Variants in ESR1 observed in about 807,000 individuals in gnomAD.
ESR1 encodes estrogen receptor 1.
A neutral mutation model predicts 52.7 loss-of-function variants in ESR1; 12 were observed. The observed-to-expected ratio is 0.23, with a 90% confidence interval of 0.15 to 0.37. ESR1 has a LOEUF of 0.37. Among genes scored for constraint, ESR1 ranks in the 10% least tolerant of loss-of-function variants. The pLI, the probability that ESR1 is intolerant of heterozygous loss-of-function variation, is 1.00. For missense variants in ESR1, 584 were observed against 779.7 expected, an observed-to-expected ratio of 0.75 and a Z score of 2.99; for synonymous variants, 305 against 316.8, an observed-to-expected ratio of 0.96 and a Z score of 0.39.
intron 6 of ESR1, among the ~76,000 whole-genome samples, chr6:152,110,684 G>T (rs973765020): frequency 6.6e-6 from 1 of 152,018 alleles, no homozygotes; most frequent in Non-Finnish European, 1.5e-5. Context: ...CAAAATAAAA[G>T]TTTTTTTCAA....
chr6:151,910,313 C>A (rs1798080353), intron 3 of ESR1, among the ~76,000 whole-genome samples: 1 of 151,940 alleles, frequency 6.6e-6, no homozygotes, highest in Non-Finnish European at 1.5e-5. Flanking sequence ...CCGAACAGAT[C>A]TAGATACTAG....
chr6:151,678,421 C>A (rs527345736), intron 1 of ESR1, among the ~76,000 whole-genome samples: 1 of 151,374 alleles, frequency 6.6e-6, no homozygotes, highest in Admixed American at 6.6e-5. Flanking sequence ...TGCACTCAAC[C>A]GAGATTGTGC....
chr6:151,971,546 C>T (rs1027246110), intron 4 of ESR1, among the ~76,000 whole-genome samples: 2 of 152,054 alleles, frequency 1.3e-5, no homozygotes, highest in Non-Finnish European at 2.9e-5. Context: ...ATAGCCTGCT[C>T]CTGAATGATC....
At chr6:151,674,412 T>C (rs1778183177) in intron 1 of ESR1, among the ~76,000 whole-genome samples, 1 of 152,246 alleles carries the variant, frequency 6.6e-6, no homozygotes, top group African/African-American at 2.4e-5. Context: ...GTGCCACATT[T>C]CCTTTATCCA....
chr6:152,064,560 T>C (rs2047813312), intron 6 of ESR1, among the ~76,000 whole-genome samples: 1 of 152,240 alleles, frequency 6.6e-6, no homozygotes, highest in South Asian at 2.1e-4. Flanking sequence ...AATAATTCAA[T>C]GTTTATTGAG....
exon 7 of ESR1, chr6:152,126,030 G>A (rs1443054492): frequency 1.3e-5 from 2 of 152,290 alleles, no homozygotes; most frequent in African/African-American, 2.4e-5. Flanking sequence ...GGACTCCTAT[G>A]TTGGAGTCTG....
chr6:151,676,649 C>G (rs1041630857), intron 1 of ESR1, among the ~76,000 whole-genome samples: 4 of 152,170 alleles, frequency 2.6e-5, no homozygotes, highest in African/African-American at 9.7e-5. Context: ...GGGCAGCCTT[C>G]CTTCCCCAGA....
At chr6:151,843,399 C>T (rs565315051) in intron 2 of ESR1, among the ~76,000 whole-genome samples, 83 of 152,228 alleles carry the variant, frequency 5.5e-4, no homozygotes, top group African/African-American at 1.8e-3. Context: ...TTCATTTTCC[C>T]GCCTGCCTCC....
chr6:151,855,032 G>C (rs544107130), intron 2 of ESR1, among the ~76,000 whole-genome samples: 1 of 152,286 alleles, frequency 6.6e-6, no homozygotes, highest in South Asian at 2.1e-4. Context: ...TCCTGCCTCA[G>C]CCTCCAGAGT....
At chr6:151,839,677 G>A (rs936396794) in intron 1 of ESR1, among the ~76,000 whole-genome samples, 3 of 152,112 alleles carry the variant, frequency 2.0e-5, no homozygotes, top group Non-Finnish European at 4.4e-5. Flanking sequence ...GGACCTTCAG[G>A]ACATTATCCT....
intron 3 of ESR1, among the ~76,000 whole-genome samples, chr6:151,936,655 AC>A (rs752409421): frequency 3.3e-5 from 5 of 152,202 alleles, no homozygotes; most frequent in Non-Finnish European, 5.9e-5. Context: ...ATAATAACAA[AC>A]AAAAACTGGA....
chr6:152,068,281 T>G (rs2048125668), intron 6 of ESR1, among the ~76,000 whole-genome samples: 1 of 152,246 alleles, frequency 6.6e-6, no homozygotes, highest in South Asian at 2.1e-4. Context: ...GCTTCTGTAT[T>G]TAGTTGAGAT....
At chr6:151,731,897 C>A (rs974875701) in intron 2 of ESR1, among the ~76,000 whole-genome samples, 1 of 152,214 alleles carries the variant, frequency 6.6e-6, no homozygotes, top group East Asian at 1.9e-4. Flanking sequence ...TCCCACTAAT[C>A]AGAAGAAGAA....
At chr6:151,760,668 C>A (rs1303905334) in intron 2 of ESR1, among the ~76,000 whole-genome samples, 1 of 152,142 alleles carries the variant, frequency 6.6e-6, no homozygotes, top group Non-Finnish European at 1.5e-5. Flanking sequence ...TTCTTTGAGT[C>A]CTCCGAGGCG....
chr6:151,711,195 C>T (rs1780578685), intron 2 of ESR1, among the ~76,000 whole-genome samples: 1 of 151,924 alleles, frequency 6.6e-6, no homozygotes, highest in Non-Finnish European at 1.5e-5. Context: ...TATTTCTCCA[C>T]ATCCTCCCCA....
intron 2 of ESR1, among the ~76,000 whole-genome samples, chr6:151,846,114 G>A (rs1322279585): frequency 6.6e-6 from 1 of 152,182 alleles, no homozygotes; most frequent in Non-Finnish European, 1.5e-5. Flanking sequence ...AGTCAAGGGA[G>A]CATGGTGAAG....
intron 2 of ESR1, among the ~76,000 whole-genome samples, chr6:151,745,695 A>C (rs150836469): frequency 4.1e-4 from 62 of 152,284 alleles, no homozygotes; most frequent in Non-Finnish European, 5.9e-4. Context: ...GAGACTTTTT[A>C]TCATTGAGGT....
In ESR1 at chr6:152,099,053, C is replaced by T; in HGVS notation, c.*87C>T. 1.9e-6 allele frequency: 2 copies of T among 1,058,082 alleles called. No individual in the cohort carries two copies. The highest frequency in any genetic ancestry group is 1.4e-6 in the Non-Finnish European group (1 of 698,312). The allele number at this position is 1,058,082 out of a possible 1,614,324, so 65.5% of individuals were successfully genotyped here. A position where few individuals can be genotyped will look rare whatever the true frequency, so the allele number is the denominator to read the frequency against. ...CACTTTAGCCAAATTCTGTCTCCTG[C>T]ATACACTCCGGCATGCATCCAACAC... On this transcript the variant is annotated 3_prime_UTR_variant, in exon 8 of 8. Transcript: ENST00000206249.
At chr6:151,803,548 T>C (rs1777472292), upstream of ESR1, among the ~76,000 whole-genome samples, 1 of 151,872 alleles carries the variant, frequency 6.6e-6, no homozygotes, top group South Asian at 2.1e-4. Context: ...GAAGCTATGA[T>C]TTGGGTTAAA....
Sources: gnomAD v4.1 joint callset for allele counts (sites outside exome capture counted in the v4.1 genomes callset) on GRCh38, gnomAD v4.1.1 for gene constraint, MANE v1.5 for transcripts, NCBI Gene and HGNC (gene_info 2026-07-23, HGNC 2026-07-21) for gene names.